CHMP1A: variants seen among roughly 807,000 people sequenced by gnomAD.
The protein encoded by CHMP1A is VPS46 homolog A.
Under a neutral mutation model 27.0 loss-of-function variants are expected in CHMP1A, and 17 were observed. The observed-to-expected ratio is 0.63, with a 90% CI of 0.43 to 0.95. The LOEUF is 0.95. Among genes scored for constraint, CHMP1A ranks in the 40% least tolerant of loss-of-function variants. CHMP1A has a pLI of 0.00. For synonymous variants in CHMP1A, 131 were observed against 107.5 expected (o/e 1.22, Z -1.35); for missense variants, 275 against 264.0 (o/e 1.04, Z -0.29).
chr16:89,651,549 C>G lies in CHMP1A; in HGVS notation c.105+20G>C. On this transcript the variant is annotated intron_variant, in intron 3 of 6. Coordinates refer to ENST00000397901, the MANE Select transcript of CHMP1A (RefSeq NM_002768.5). ...AGACAAACCAGGAGAGTCATGACCC[C>G]ACAGCCCCCAGGGTCTCACCTTCTT... The G allele has an allele frequency of 1.2e-6, 2 of 1,612,122 alleles. No homozygotes were observed. Among genetic ancestry groups the G allele is most frequent in the Non-Finnish European group, 1.7e-6 (2 of 1,178,480 alleles).
intron 5 of CHMP1A, 35 bp downstream of exon 5, chr16:89,647,168 C>T (rs1362031477): frequency 1.2e-6 from 2 of 1,603,102 alleles, no homozygotes; most frequent in Admixed American, 1.7e-5. Context: ...GCTCCTTGTC[C>T]CCAGGCCACA....
At chr16:89,649,538 T>C in intron 3 of CHMP1A, 41 bp from the exon 4 acceptor site, 1 of 1,611,108 alleles carries the variant, frequency 6.2e-7, no homozygotes, top group Non-Finnish European at 8.5e-7. Flanking sequence ...AGCTTGGTGG[T>C]GTGTGTGCCC....
Position 89,645,364 on chromosome 16 carries a change from C to T in CHMP1A, c.*702G>A, listed in dbSNP as rs566136355. ...CCAAAGGCACCTCCAGAGGCAGCAG[C>T]TGAGTGAGGATGAAGACTGCAGGGT... On this transcript the variant is annotated 3_prime_UTR_variant, in exon 7 of 7. Transcript: ENST00000397901. 1 of 154,492 alleles carries T rather than the reference C, an allele frequency of 6.5e-6. No homozygotes were observed. Among genetic ancestry groups the T allele is most frequent in the East Asian group, 1.9e-4 (1 of 5,212 alleles). 9.6% of individuals were successfully genotyped at this position (154,492 alleles called of 1,614,324 possible). A position where few individuals can be genotyped will look rare whatever the true frequency, so the allele number is the denominator to read the frequency against.
Position 89,647,308 on chromosome 16 carries a change from C to G in CHMP1A, c.276G>C (p.Val92=), listed in dbSNP as rs576134712. 2.5e-6 allele frequency: 4 copies of G among 1,610,642 alleles called. No individual in the cohort carries two copies. The highest frequency in any genetic ancestry group is 3.4e-6 in the Non-Finnish European group (4 of 1,177,712). The change falls in exon 5 of 7, where the codon GTG becomes GTC. Residue 92 remains valine, a synonymous_variant. Coordinates refer to ENST00000397901, the MANE Select transcript of CHMP1A (RefSeq NM_002768.5). ...TCAGGGCCTTGTCCAGGGCTTTGGTCACCTGGGCCATATTCTTGGTCACCT... is the reference window on the plus strand; with the variant it reads ...TCAGGGCCTTGTCCAGGGCTTTGGTGACCTGGGCCATATTCTTGGTCACCT... The part of the protein sequence containing the change: ...MKGVTKNMAQ[V]TKALDKALST...
intron 2 of CHMP1A, 95 bp downstream of exon 2, chr16:89,653,809 T>A: frequency 7.6e-7 from 1 of 1,316,548 alleles, no homozygotes; most frequent in Non-Finnish European, 1.1e-6. Context: ...TGTTATATAA[T>A]CTGCCCGACT....
Position 89,647,346 on chromosome 16 carries a change from A to C in CHMP1A, c.253-15T>G. ...TTCTTGGTCACCTGAGACAGGAGAG[A>C]GCGCAGGAGGGAACAGGATGAAAGG... is the stretch of plus-strand genomic sequence containing the variant. On this transcript the variant is annotated splice_polypyrimidine_tract_variant and intron_variant, in intron 4 of 6. Transcript: ENST00000397901. 1.2e-6 allele frequency: 2 copies of C among 1,601,096 alleles called. No individual in the cohort carries two copies. The highest frequency in any genetic ancestry group is 1.7e-6 in the Non-Finnish European group (2 of 1,170,204).
chr16:89,649,028 A>C (rs559426285), intron 4 of CHMP1A, among the ~76,000 whole-genome samples: 1 of 151,748 alleles, frequency 6.6e-6, no homozygotes. Flanking sequence ...GTCTCTAAAA[A>C]ATATATATTT....
intron 2 of CHMP1A, among the ~76,000 whole-genome samples, chr16:89,652,175 C>A (rs1051970126): frequency 6.6e-6 from 1 of 152,214 alleles, no homozygotes. Flanking sequence ...CAGCACCACA[C>A]GGAAACAGGG....
At chr16:89,653,944 A>T (rs762650804) in intron 1 of CHMP1A, 21 bp from the exon 2 acceptor site, 1 of 1,613,156 alleles carries the variant, frequency 6.2e-7, no homozygotes, top group Non-Finnish European at 8.5e-7. Context: ...AGAGGGAATT[A>T]ATGGTTTGAG....
intron 2 of CHMP1A, among the ~76,000 whole-genome samples, chr16:89,652,912 C>T (rs559315636): frequency 2.6e-5 from 4 of 152,152 alleles, no homozygotes; most frequent in Admixed American, 1.3e-4. Context: ...CTCCACCCCA[C>T]GTGGGAGGAA....
At chr16:89,653,836 G>C (rs752198310) in intron 2 of CHMP1A, 68 bp downstream of exon 2, 29 of 1,501,928 alleles carry the variant, frequency 1.9e-5, no homozygotes, top group Non-Finnish European at 2.7e-5. Flanking sequence ...GTGGCTCTGA[G>C]TGAGCGTGGC....
chr16:89,646,228 G>T, intron 6 of CHMP1A, 141 bp from the exon 7 acceptor site: 2 of 787,884 alleles, frequency 2.5e-6, no homozygotes, highest in Non-Finnish European at 4.0e-6. Flanking sequence ...GACATGCCCT[G>T]TCCCACTCTT....
intron 4 of CHMP1A, among the ~76,000 whole-genome samples, chr16:89,648,694 C>G (rs910699972): frequency 6.6e-6 from 1 of 151,542 alleles, no homozygotes; most frequent in East Asian, 1.9e-4. Context: ...AGTTTGAGAC[C>G]AGAGCGGCCA....
At chr16:89,651,682 C>A (rs748179737) in intron 2 of CHMP1A, 36 bp from the exon 3 acceptor site, 8 of 1,605,624 alleles carry the variant, frequency 5.0e-6, no homozygotes, top group South Asian at 1.1e-5. Context: ...GTCAGACATG[C>A]GGAGCCCATC....
intron 2 of CHMP1A, among the ~76,000 whole-genome samples, chr16:89,653,442 A>G (rs540781529): frequency 6.6e-6 from 1 of 150,408 alleles, no homozygotes; most frequent in Non-Finnish European, 1.5e-5. Context: ...AACGTGGTGA[A>G]ACCCCGTCTC....
chr16:89,650,153 A>G (rs2059812905), intron 3 of CHMP1A, among the ~76,000 whole-genome samples: 2 of 152,074 alleles, frequency 1.3e-5, no homozygotes, highest in Admixed American at 1.3e-4. Flanking sequence ...CAGTTTTAAG[A>G]GCTGCACAAG....
In CHMP1A at chr16:89,646,695, C is replaced by T. The variant is rs748177672; in HGVS notation, c.401G>A (p.Ser134Asn). The T allele has an allele frequency of 3.7e-6, 6 of 1,609,756 alleles. No individual in the cohort carries two copies. The South Asian group carries it at 4.4e-5, about 12-fold the overall frequency. Residue 134 changes from serine to asparagine, a missense_variant, in exon 6 of 7, where the codon AGC becomes AAC. By Grantham distance (46) the Ser-to-Asn change is conservative. Coordinates refer to ENST00000397901, the MANE Select transcript of CHMP1A (RefSeq NM_002768.5). ...CGGCGTGGTCAGGGTGGTGGCCGAG[C>T]TCATGGAGTCCTCCATCACCTGGGG... ...VHTSVMEDSM[S>N]SATTLTTPQE...
rs2059796459 is a variant in CHMP1A, at chr16:89,648,401, TGGGGACCCAGCGC to T, written c.252+937_252+949del. Among the ~76,000 whole-genome samples the T allele has an allele frequency of 4.8e-5, 6 of 123,808 alleles. 2 individuals are homozygous for T. Among genetic ancestry groups the T allele is most frequent in the Non-Finnish European group, 1.1e-4 (6 of 56,342 alleles). 81.2% of individuals were successfully genotyped at this position (123,808 alleles called of 152,430 possible). A position where few individuals can be genotyped will look rare whatever the true frequency, so the allele number is the denominator to read the frequency against. On this transcript the variant is annotated intron_variant, in intron 4 of 6. Transcript: ENST00000397901. ...GTCGGTGGAGAAAAGGCCGCCGACG[TGGGGACCCAGCGC>T]GGGGTCGGTGGAGAAAAGGCCGCCG...
At chr16:89,654,935 T>A in intron 1 of CHMP1A, among the ~76,000 whole-genome samples, 1 of 130,134 alleles carries the variant, frequency 7.7e-6, no homozygotes, top group Middle Eastern at 3.4e-3. Context: ...AGTGCAAGAC[T>A]CCGTCTCAAA....
Sources: allele counts gnomAD v4.1 joint callset (sites outside exome capture counted in the v4.1 genomes callset), GRCh38; gene constraint gnomAD v4.1.1; transcripts MANE v1.5; gene names NCBI Gene and HGNC (gene_info 2026-07-23, HGNC 2026-07-21).